The following FAR2 variants were observed in gnomAD, a reference collection of about 807,000 sequenced individuals.
FAR2 encodes the protein epididymis secretory protein Li 81.
FAR2 carries 19 observed loss-of-function variants against 56.0 expected under a neutral mutation model. The observed-to-expected ratio is 0.34, with a 90% CI of 0.24 to 0.50. The LOEUF is 0.50. Ranked by LOEUF, FAR2 falls within the 20% of genes least tolerant of loss-of-function variation. FAR2 has a pLI of 0.98. For synonymous variants in FAR2, 219 were observed against 218.8 expected, an observed-to-expected ratio of 1.00 and a Z score of -0.01; for missense variants, 508 against 642.2, an observed-to-expected ratio of 0.79 and a Z score of 2.26.
intron 2 of FAR2, among the ~76,000 whole-genome samples, chr12:29,288,753 A>G (rs1435873111): frequency 6.6e-6 from 1 of 152,194 alleles, no homozygotes. Context: ...CATCACAGTC[A>G]TACAAACTTC....
In FAR2 at chr12:29,319,705, T is replaced by C. The variant is rs116504387; in HGVS notation, c.1128-2090T>C. Among the ~76,000 whole-genome samples the C allele has an allele frequency of 8.1e-3, 1,234 of 152,340 alleles. 10 individuals carry two copies. The highest frequency in any genetic ancestry group is 0.028 in the African/African-American group (1,169 of 41,566). On this transcript the variant is annotated intron_variant, in intron 9 of 11. Coordinates refer to ENST00000536681, the MANE Select transcript of FAR2 (RefSeq NM_001271783.2). ...ATCCTGGCTTCACCAATTTAGCCAT[T>C]AGAGCCCTAAATTACTTCATCTCTC... is the stretch of plus-strand genomic sequence containing the variant.
rs7976636 is a variant in FAR2 at position 29,317,093 on chromosome 12, C to A, written c.1127+81C>A. 9.9e-4 allele frequency: 1,406 copies of A among 1,422,514 alleles called. 15 individuals are homozygous for A. In the African/African-American group the frequency reaches 0.018, roughly 18 times the overall value. 88.1% of individuals were successfully genotyped at this position (1,422,514 alleles called of 1,614,324 possible). Reference sequence around the variant, plus strand: ...CAAAATCTTTAGTGCTTCCTTCAGCCGAGGATTAAAGGAGACAACTGAATC... The same window carrying A: ...CAAAATCTTTAGTGCTTCCTTCAGCAGAGGATTAAAGGAGACAACTGAATC... On this transcript the variant is annotated intron_variant, in intron 9 of 11. Transcript: ENST00000536681.
intron 1 of FAR2, among the ~76,000 whole-genome samples, chr12:29,170,577 G>A (rs559503925): frequency 6.6e-6 from 1 of 151,748 alleles, no homozygotes. Context: ...TTTCTTCTTT[G>A]TCTCTCTCTT....
intron 10 of FAR2, among the ~76,000 whole-genome samples, chr12:29,323,866 C>T (rs1287586124): frequency 6.6e-6 from 1 of 152,194 alleles, no homozygotes; most frequent in Non-Finnish European, 1.5e-5. Context: ...GAACGCAGCT[C>T]CTCACCGGCA....
chr12:29,258,799 T>C (rs1027088783), intron 1 of FAR2, among the ~76,000 whole-genome samples: 24 of 152,232 alleles, frequency 1.6e-4, no homozygotes, highest in African/African-American at 4.8e-5. Context: ...TTGTCCATAA[T>C]AGATTTGGTT....
intron 1 of FAR2, among the ~76,000 whole-genome samples, chr12:29,235,033 G>A (rs1247672238): frequency 6.6e-6 from 1 of 152,118 alleles, no homozygotes; most frequent in African/African-American, 2.4e-5. Context: ...TGTTTACTAT[G>A]TGCCAAGTTT....
Position 29,208,935 on chromosome 12 carries a change from A to C in FAR2, c.-39+59528A>C, listed in dbSNP as rs527618105. Among the ~76,000 whole-genome samples, 12 of 152,254 alleles carry C rather than the reference A, an allele frequency of 7.9e-5. No individual in the cohort carries two copies. The South Asian group carries it at 2.3e-3, about 29-fold the overall frequency. ...ACCTCGGTGTGGCAAAATAGAAGCT[A>C]ATGTGAGGAAACCAACCTGCTTTAG... On this transcript the variant is annotated intron_variant, in intron 1 of 11. Transcript: ENST00000536681.
intron 1 of FAR2, among the ~76,000 whole-genome samples, chr12:29,248,234 T>C (rs572339573): frequency 6.6e-6 from 1 of 152,334 alleles, no homozygotes; most frequent in African/African-American, 2.4e-5. Context: ...TTTATTATTA[T>C]TACTTTTAAG....
intron 10 of FAR2, among the ~76,000 whole-genome samples, chr12:29,324,225 C>A (rs897225793): frequency 6.6e-6 from 1 of 152,130 alleles, no homozygotes; most frequent in Non-Finnish European, 1.5e-5. Flanking sequence ...ACGACCAAAG[C>A]CTCCAAGAAA....
At chr12:29,177,906 A>C (rs373983996) in intron 1 of FAR2, among the ~76,000 whole-genome samples, 1 of 152,228 alleles carries the variant, frequency 6.6e-6, no homozygotes, top group Non-Finnish European at 1.5e-5. Flanking sequence ...CCAGAAGGCA[A>C]ATTACCATTA....
In FAR2 at chr12:29,186,762, AT is replaced by A. The variant is rs1237554844; in HGVS notation, c.-39+37358del. ...CAGCTTAGTTCTTTATTTATTATTT[AT>A]TTATTTATTTATTTATTTATTTATT... On this transcript the variant is annotated intron_variant, in intron 1 of 11. Coordinates refer to ENST00000536681, the MANE Select transcript of FAR2 (RefSeq NM_001271783.2). Among the ~76,000 whole-genome samples, 562 of 137,452 alleles carry A rather than the reference AT, an allele frequency of 4.1e-3. 8 individuals carry two copies. The highest frequency in any genetic ancestry group is 0.014 in the African/African-American group (455 of 31,628). The allele number at this position is 137,452 out of a possible 152,430, so 90.2% of individuals were successfully genotyped here.
intron 4 of FAR2, 68 bp downstream of exon 4, chr12:29,297,268 G>T: frequency 7.0e-7 from 1 of 1,429,490 alleles, no homozygotes; most frequent in Non-Finnish European, 9.5e-7. Flanking sequence ...TTGATTCTTT[G>T]TAGCTATTAA....
intron 1 of FAR2, among the ~76,000 whole-genome samples, chr12:29,191,319 G>A (rs182673643): frequency 3.9e-5 from 6 of 152,316 alleles, no homozygotes. Flanking sequence ...AAGGGAAAAG[G>A]GAGTAAAACA....
rs1045763963 is a variant in FAR2, at chr12:29,335,388, T to C, written c.*1594T>C. ...AGCTCTGAAACTAAGCACCTGGTGA[T>C]CTTTAGTTTGAGATGTCTATATGGT... On this transcript the variant is annotated 3_prime_UTR_variant, in exon 12 of 12. Coordinates refer to ENST00000536681, the MANE Select transcript of FAR2 (RefSeq NM_001271783.2). 2.0e-5 allele frequency: 3 copies of C among 152,190 alleles called. No homozygotes were observed. The highest frequency in any genetic ancestry group is 2.9e-5 in the Non-Finnish European group (2 of 68,032). The allele number at this position is 152,190 out of a possible 1,614,324, so 9.4% of individuals were successfully genotyped here.
intron 1 of FAR2, among the ~76,000 whole-genome samples, chr12:29,222,752 AGTCTTT>A: frequency 6.6e-6 from 1 of 152,296 alleles, no homozygotes; most frequent in African/African-American, 2.4e-5. Context: ...TCAAAGAGGA[AGTCTTT>A]GTCTTTGTTA....
At chr12:29,177,843 C>T (rs200417838) in intron 1 of FAR2, among the ~76,000 whole-genome samples, 1 of 145,606 alleles carries the variant, frequency 6.9e-6, no homozygotes, top group South Asian at 2.2e-4. Context: ...ACAAAAAAAA[C>T]AAACAAAAAA....
Position 29,333,910 on chromosome 12 carries a change from T to G in FAR2, c.*116T>G, listed in dbSNP as rs1007917349. 2.1e-6 allele frequency: 2 copies of G among 949,114 alleles called. No individual in the cohort carries two copies. The highest frequency in any genetic ancestry group is 1.7e-5 in the South Asian group (1 of 58,000). 58.8% of individuals were successfully genotyped at this position (949,114 alleles called of 1,614,324 possible). A position where few individuals can be genotyped will look rare whatever the true frequency, so the allele number is the denominator to read the frequency against. On this transcript the variant is annotated 3_prime_UTR_variant, in exon 12 of 12. Transcript: ENST00000536681. ...TATGCCCAAACTGTCAAATGTCACC[T>G]GTTATGTATTCGTCCCTATTCCTTA...
chr12:29,291,606 T>C, intron 2 of FAR2: 1 of 379,450 alleles, frequency 2.6e-6, no homozygotes, highest in Non-Finnish European at 5.2e-6. Context: ...TAATTTCTTA[T>C]TTAGTGGGTA....
At chr12:29,274,698 G>A (rs1316761437) in intron 2 of FAR2, among the ~76,000 whole-genome samples, 2 of 151,870 alleles carry the variant, frequency 1.3e-5, no homozygotes, top group East Asian at 3.9e-4. Context: ...TGATGACATT[G>A]TCTTGTGAAA....
Sources: allele counts gnomAD v4.1 joint callset (sites outside exome capture counted in the v4.1 genomes callset), GRCh38; gene constraint gnomAD v4.1.1; transcripts MANE v1.5; gene names NCBI Gene and HGNC (gene_info 2026-07-23, HGNC 2026-07-21).